The following CACUL1 variants were observed in gnomAD, a reference collection of about 807,000 sequenced individuals.
The protein encoded by CACUL1 is CDK2-associated and cullin domain-containing protein 1.
CACUL1 carries 13 observed loss-of-function variants against 45.2 expected under a neutral mutation model. The ratio of observed to expected loss-of-function variants is 0.29; its 90% confidence interval spans 0.19 to 0.46. The LOEUF (loss-of-function observed/expected upper bound fraction) is 0.46, where lower values mean the gene tolerates loss of function less well. Among genes scored for constraint, CACUL1 ranks in the 20% least tolerant of loss-of-function variants. The probability of loss-of-function intolerance (pLI) is 1.00; values close to 1 mark genes in which losing one functional copy is unlikely to be tolerated. For synonymous variants in CACUL1, 197 were observed against 174.2 expected (o/e 1.13, Z -1.03); for missense variants, 421 against 471.4 (o/e 0.89, Z 0.99).
chr10:118,733,519 A>C (rs1845716318), intron 1 of CACUL1, among the ~76,000 whole-genome samples: 1 of 152,182 alleles, frequency 6.6e-6, no homozygotes, highest in Admixed American at 6.5e-5. Flanking sequence ...GGAAACTTCA[A>C]GATATTTGTT....
rs372622575 is a variant in CACUL1, at chr10:118,676,900, G to C, written c.*9228C>G. Reference sequence around the variant, plus strand: ...GGGGTGTGCACACTACGGCATTAAAGGCAGGTGAGTGAGTTTAATAGGGTT... The same window carrying C: ...GGGGTGTGCACACTACGGCATTAAACGCAGGTGAGTGAGTTTAATAGGGTT... On this transcript the variant is annotated 3_prime_UTR_variant, in exon 9 of 9. Coordinates refer to ENST00000369151, the MANE Select transcript of CACUL1 (RefSeq NM_153810.5). The C allele has an allele frequency of 2.0e-5, 3 of 151,710 alleles. No homozygotes were observed. The East Asian group carries it at 5.8e-4, about 29-fold the overall frequency. The allele number at this position is 151,710 out of a possible 1,614,324, so 9.4% of individuals were successfully genotyped here.
chr10:118,705,039 C>T (rs1447973934), intron 4 of CACUL1, among the ~76,000 whole-genome samples: 1 of 152,230 alleles, frequency 6.6e-6, no homozygotes, highest in African/African-American at 2.4e-5. Context: ...AGTAGGGCCT[C>T]ATACGTGAAT....
chr10:118,687,117 C>T (rs1845214934), intron 7 of CACUL1, among the ~76,000 whole-genome samples: 1 of 152,154 alleles, frequency 6.6e-6, no homozygotes, highest in African/African-American at 2.4e-5. Context: ...CCTGACCTTA[C>T]CTCACCCTGT....
chr10:118,678,643 T>A lies in CACUL1; in HGVS notation c.*7485A>T, dbSNP rs933296407. On this transcript the variant is annotated 3_prime_UTR_variant, in exon 9 of 9. Coordinates refer to ENST00000369151, the MANE Select transcript of CACUL1 (RefSeq NM_153810.5). The stretch of plus-strand genomic sequence containing the variant: ...AGTTTTTTTTTTATCATTTTCTCAT[T>A]TTAAAATTTATTCTTAGGTACTTTT... 2 of 152,176 alleles carry A rather than the reference T, an allele frequency of 1.3e-5. No individual in the cohort carries two copies. Among genetic ancestry groups the A allele is most frequent in the African/African-American group, 4.8e-5 (2 of 41,428 alleles). 9.4% of individuals were successfully genotyped at this position (152,176 alleles called of 1,614,324 possible). A position where few individuals can be genotyped will look rare whatever the true frequency, so the allele number is the denominator to read the frequency against.
intron 3 of CACUL1, among the ~76,000 whole-genome samples, chr10:118,717,655 T>C (rs1589610863): frequency 6.6e-6 from 1 of 152,150 alleles, no homozygotes; most frequent in South Asian, 2.1e-4. Context: ...CTGTTGGTGA[T>C]GGTAGTCATA....
At chr10:118,734,561 A>AG (rs1205364844) in intron 1 of CACUL1, among the ~76,000 whole-genome samples, 1 of 152,360 alleles carries the variant, frequency 6.6e-6, no homozygotes, top group East Asian at 1.9e-4. Flanking sequence ...AAGGCACTAC[A>AG]GGCACAAATA....
At chr10:118,716,824 G>A (rs1021897488) in intron 3 of CACUL1, among the ~76,000 whole-genome samples, 7 of 152,038 alleles carry the variant, frequency 4.6e-5, no homozygotes, top group South Asian at 2.1e-4. Context: ...GGGTGGTCTC[G>A]ATCTCCTGAC....
chr10:118,724,173 T>C (rs1467196548), intron 3 of CACUL1, among the ~76,000 whole-genome samples: 1 of 152,236 alleles, frequency 6.6e-6, no homozygotes, highest in African/African-American at 2.4e-5. Flanking sequence ...TCAGATTTAA[T>C]GAGCCTTATA....
At position 118,677,587 on chromosome 10, in the gene CACUL1, T is replaced by A. The variant is rs1845110435; in HGVS notation, c.*8541A>T. ...GTGTCTGAGTCCCTAAACAATATAC[T>A]TAGTTTTTTCTGATTTTGAACTTTA... On this transcript the variant is annotated 3_prime_UTR_variant, in exon 9 of 9. Transcript: ENST00000369151. The A allele has an allele frequency of 6.6e-6, 1 of 152,224 alleles. No homozygotes were observed. Among genetic ancestry groups the A allele is most frequent in the Non-Finnish European group, 1.5e-5 (1 of 68,050 alleles). The allele number at this position is 152,224 out of a possible 1,614,324, so 9.4% of individuals were successfully genotyped here.
chr10:118,750,763 C>A (rs903945901), intron 1 of CACUL1, among the ~76,000 whole-genome samples: 29 of 151,742 alleles, frequency 1.9e-4, no homozygotes, highest in African/African-American at 6.8e-4. Context: ...CCCCATTGCA[C>A]TTGGCACTAT....
At chr10:118,686,559 C>A in intron 8 of CACUL1, 39 bp downstream of exon 8, 1 of 1,522,504 alleles carries the variant, frequency 6.6e-7, no homozygotes, top group Non-Finnish European at 9.1e-7. Context: ...TGCTTTACAT[C>A]ACAGAACCAT....
chr10:118,715,045 T>G (rs1845528911), intron 3 of CACUL1, among the ~76,000 whole-genome samples: 1 of 152,248 alleles, frequency 6.6e-6, no homozygotes. Flanking sequence ...GTTACCAGAT[T>G]GTTGCACTGA....
intron 1 of CACUL1, among the ~76,000 whole-genome samples, chr10:118,747,385 T>C (rs1393681683): frequency 1.3e-5 from 2 of 152,112 alleles, no homozygotes; most frequent in Non-Finnish European, 2.9e-5. Flanking sequence ...ATCAGTAATA[T>C]ATAAGCAAGG....
intron 3 of CACUL1, among the ~76,000 whole-genome samples, chr10:118,714,431 G>A (rs1427721941): frequency 6.6e-6 from 1 of 152,168 alleles, no homozygotes; most frequent in Non-Finnish European, 1.5e-5. Context: ...GTATTGGGAA[G>A]CTATCAAGGT....
At chr10:118,723,679 T>A (rs1845622952) in intron 3 of CACUL1, among the ~76,000 whole-genome samples, 1 of 152,206 alleles carries the variant, frequency 6.6e-6, no homozygotes, top group Admixed American at 6.5e-5. Context: ...TATGAAAAAC[T>A]ATGGAAACAA....
chr10:118,718,794 C>T (rs1178792372), intron 3 of CACUL1, among the ~76,000 whole-genome samples: 4 of 152,076 alleles, frequency 2.6e-5, no homozygotes, highest in Non-Finnish European at 5.9e-5. Context: ...AGGATGGTCT[C>T]GACCTCCTGA....
chr10:118,678,032 G>A lies in CACUL1; in HGVS notation c.*8096C>T, dbSNP rs1163557719. 5 of 152,186 alleles carry A rather than the reference G, an allele frequency of 3.3e-5. No homozygotes were observed. The highest frequency in any genetic ancestry group is 7.3e-5 in the Non-Finnish European group (5 of 68,036). 9.4% of individuals were successfully genotyped at this position (152,186 alleles called of 1,614,324 possible). On this transcript the variant is annotated 3_prime_UTR_variant, in exon 9 of 9. Transcript: ENST00000369151. ...ATAATTTCTGCCAAGTTGTCAGCAA[G>A]GAAATGGTATCTATGCTTTTAATGT...
At chr10:118,737,147 A>G (rs1239225756) in intron 1 of CACUL1, among the ~76,000 whole-genome samples, 2 of 152,088 alleles carry the variant, frequency 1.3e-5, no homozygotes, top group Admixed American at 6.6e-5. Flanking sequence ...AAAAAAAAAA[A>G]AAAACCTGTA....
At position 118,676,929 on chromosome 10, in the gene CACUL1, G is replaced by T. The variant is rs774322407; in HGVS notation, c.*9199C>A. The T allele has an allele frequency of 6.6e-6, 1 of 151,648 alleles. No individual in the cohort carries two copies. Among genetic ancestry groups the T allele is most frequent in the Non-Finnish European group, 1.5e-5 (1 of 67,940 alleles). The allele number at this position is 151,648 out of a possible 1,614,324, so 9.4% of individuals were successfully genotyped here. Reference sequence around the variant, plus strand: ...GGTGAGTGAGTTTAATAGGGTTTTCGGTTTCATTGCTTGTATTCTTAGAAA... The same window carrying T: ...GGTGAGTGAGTTTAATAGGGTTTTCTGTTTCATTGCTTGTATTCTTAGAAA... On this transcript the variant is annotated 3_prime_UTR_variant, in exon 9 of 9. Coordinates refer to ENST00000369151, the MANE Select transcript of CACUL1 (RefSeq NM_153810.5).
Sources: allele counts gnomAD v4.1 joint callset (sites outside exome capture counted in the v4.1 genomes callset), GRCh38; gene constraint gnomAD v4.1.1; transcripts MANE v1.5; gene names NCBI Gene and HGNC (gene_info 2026-07-23, HGNC 2026-07-21).